Variants in ENPP2 observed in about 807,000 individuals in gnomAD.
ENPP2 encodes autotaxin.
Under a neutral mutation model 120.2 loss-of-function variants are expected in ENPP2, and 51 were observed. The ratio of observed to expected loss-of-function variants is 0.42; its 90% confidence interval spans 0.34 to 0.54. The LOEUF is 0.54. Ranked by LOEUF, ENPP2 falls within the 20% of genes least tolerant of loss-of-function variation. ENPP2 has a pLI of 0.04. For synonymous variants in ENPP2, 365 were observed against 366.4 expected, an observed-to-expected ratio of 1.00 and a Z score of 0.04; for missense variants, 920 against 1,066.5, an observed-to-expected ratio of 0.86 and a Z score of 1.91.
chr8:119,569,207 G>C, intron 21 of ENPP2, 28 bp downstream of exon 21: 1 of 1,607,778 alleles, frequency 6.2e-7, no homozygotes, highest in Non-Finnish European at 8.5e-7. Flanking sequence ...CCCTCTGAAG[G>C]CATCAGATCT....
In ENPP2 at chr8:119,580,110, C is replaced by T. The variant is rs1429348020; in HGVS notation, c.1780+6G>A. 2.5e-6 allele frequency: 4 copies of T among 1,609,532 alleles called. No homozygotes were observed. Among genetic ancestry groups the T allele is most frequent in the Non-Finnish European group, 3.4e-6 (4 of 1,175,890 alleles). On this transcript the variant is annotated splice_donor_region_variant and intron_variant, in intron 19 of 24. Coordinates refer to ENST00000075322, the MANE Select transcript of ENPP2 (RefSeq NM_001040092.3). ...CTTATCTGATTATTTTGCAACCACC[C>T]CTTACCTTCTGTAGACCCTTTTGTA...
chr8:119,586,320 T>C lies in ENPP2; in HGVS notation c.1240-7A>G, dbSNP rs747651219. On this transcript the variant is annotated splice_region_variant and splice_polypyrimidine_tract_variant and intron_variant, in intron 14 of 24. Coordinates refer to ENST00000075322, the MANE Select transcript of ENPP2 (RefSeq NM_001040092.3). ...GCTGATCTGGTTTTTTACACTGAAA[T>C]AGAAATGGAAATCAGACTTCAGATG... The C allele has an allele frequency of 1.2e-6, 2 of 1,613,164 alleles. No individual in the cohort carries two copies. The highest frequency in any genetic ancestry group is 1.7e-6 in the Non-Finnish European group (2 of 1,179,484).
chr8:119,643,963 T>TATGGC (rs1817355653), intron 1 of ENPP2, among the ~76,000 whole-genome samples: 1 of 151,904 alleles, frequency 6.6e-6, no homozygotes, highest in South Asian at 2.1e-4. Flanking sequence ...AAGATGGAGG[T>TATGGC]ATGGCACATC....
chr8:119,655,711 A>T (rs757618076), intron 1 of ENPP2, among the ~76,000 whole-genome samples: 1 of 152,224 alleles, frequency 6.6e-6, no homozygotes, highest in South Asian at 2.1e-4. Context: ...CAGTCTTACA[A>T]AATACATACT....
At chr8:119,586,131 T>C in intron 15 of ENPP2, 55 bp downstream of exon 15, 1 of 1,567,758 alleles carries the variant, frequency 6.4e-7, no homozygotes, top group Non-Finnish European at 8.7e-7. Context: ...TATTTCCAGT[T>C]GCCAAAGGGG....
rs781226178 is a variant in ENPP2 at position 119,626,545 on chromosome 8, A to G, written c.292+20T>C. 1.2e-5 allele frequency: 19 copies of G among 1,608,774 alleles called. No individual in the cohort carries two copies. In the South Asian group the frequency reaches 2.1e-4, roughly 18 times the overall value. ...TTAAGCCATCTACTTGAAGGTAGAG[A>G]GGACTCATAAGTTACGTACCTGTCT... On this transcript the variant is annotated intron_variant, in intron 3 of 24. Transcript: ENST00000075322.
intron 16 of ENPP2, 37 bp from the exon 17 acceptor site, chr8:119,583,841 T>C (rs748518937): frequency 1.2e-5 from 17 of 1,443,892 alleles, no homozygotes; most frequent in Non-Finnish European, 1.7e-5. Flanking sequence ...CAGTTAAGCA[T>C]TGTTAGGTAG....
intron 1 of ENPP2, among the ~76,000 whole-genome samples, chr8:119,648,953 T>A (rs1817549112): frequency 1.3e-5 from 2 of 152,154 alleles, no homozygotes; most frequent in Admixed American, 1.3e-4. Flanking sequence ...CATTCACAGA[T>A]CTTGTATATA....
At chr8:119,591,021 A>G (rs1813471121) in intron 12 of ENPP2, among the ~76,000 whole-genome samples, 1 of 131,544 alleles carries the variant, frequency 7.6e-6, no homozygotes, top group African/African-American at 2.9e-5. Flanking sequence ...AAAAAACCCT[A>G]GGTTGCATCA....
intron 22 of ENPP2, among the ~76,000 whole-genome samples, chr8:119,567,617 T>G (rs1392036965): frequency 6.6e-6 from 1 of 152,184 alleles, no homozygotes; most frequent in Non-Finnish European, 1.5e-5. Flanking sequence ...TCATCTGAAA[T>G]AAACACTCTG....
chr8:119,659,151 C>A (rs972450297), intron 1 of ENPP2, among the ~76,000 whole-genome samples: 1 of 151,156 alleles, frequency 6.6e-6, no homozygotes, highest in Non-Finnish European at 1.5e-5. Flanking sequence ...CCCATCTCTA[C>A]AAAAAAAACA....
chr8:119,638,500 C>T lies in ENPP2; in HGVS notation c.61G>A (p.Gly21Arg), dbSNP rs770820762. 1.9e-6 allele frequency: 3 copies of T among 1,607,200 alleles called. No homozygotes were observed. The South Asian group carries it at 3.3e-5, about 18-fold the overall frequency. The stretch of plus-strand genomic sequence containing the variant: ...GTGAATCCTAAGCAGATATTGACTC[C>T]AACGGCAAAAGTGAACAGGGATATT... ...QIISLFTFAVGVNICLGFTAH... is the reference protein window; with the variant it reads ...QIISLFTFAVRVNICLGFTAH... The change falls in exon 2 of 25, where the codon GGA becomes AGA. Residue 21 changes from glycine to arginine, a missense_variant. Gly to Arg is a moderately radical substitution (Grantham distance 125). Transcript: ENST00000075322.
chr8:119,561,156 T>C (rs556088227), intron 24 of ENPP2, among the ~76,000 whole-genome samples: 5 of 152,252 alleles, frequency 3.3e-5, no homozygotes, highest in Non-Finnish European at 5.9e-5. Flanking sequence ...GGGATATATT[T>C]AAACTTTCTA....
At chr8:119,579,172 G>C (rs1812552241) in intron 19 of ENPP2, among the ~76,000 whole-genome samples, 1 of 152,064 alleles carries the variant, frequency 6.6e-6, no homozygotes, top group Admixed American at 6.5e-5. Flanking sequence ...CTCCAATTTT[G>C]TGAAACTTCA....
At chr8:119,648,344 G>A (rs1270184477) in intron 1 of ENPP2, among the ~76,000 whole-genome samples, 1 of 152,188 alleles carries the variant, frequency 6.6e-6, no homozygotes, top group South Asian at 2.1e-4. Context: ...TATTTATGGA[G>A]AGATTATATG....
At chr8:119,617,409 G>T in intron 6 of ENPP2, 57 bp downstream of exon 6, 1 of 1,276,136 alleles carries the variant, frequency 7.8e-7, no homozygotes, top group East Asian at 2.4e-5. Context: ...ACAGCCCACT[G>T]GTTAGTGTGG....
At chr8:119,626,072 A>G (rs74819418) in intron 3 of ENPP2, among the ~76,000 whole-genome samples, 9,800 of 152,276 alleles carry the variant, frequency 0.064, 419 homozygotes, top group Middle Eastern at 0.14. Flanking sequence ...AATGTACACA[A>G]TTAGGCCAGG....
intron 1 of ENPP2, among the ~76,000 whole-genome samples, chr8:119,652,828 A>C (rs1817663579): frequency 6.6e-6 from 1 of 152,212 alleles, no homozygotes; most frequent in African/African-American, 2.4e-5. Context: ...TGAAATCAAG[A>C]GTTTAAAAAA....
intron 13 of ENPP2, among the ~76,000 whole-genome samples, chr8:119,590,296 T>C (rs1813406736): frequency 6.6e-6 from 1 of 152,236 alleles, no homozygotes; most frequent in Non-Finnish European, 1.5e-5. Context: ...CATAGATTAA[T>C]TTCTACAGGT....
Sources: allele counts gnomAD v4.1 joint callset (sites outside exome capture counted in the v4.1 genomes callset), GRCh38; gene constraint gnomAD v4.1.1; transcripts MANE v1.5; gene names NCBI Gene and HGNC (gene_info 2026-07-23, HGNC 2026-07-21).